JPH3: variants seen among roughly 807,000 people sequenced by gnomAD.
JPH3 encodes junctophilin 3.
Under a neutral mutation model 59.6 loss-of-function variants are expected in JPH3, and 11 were observed. That is an observed-to-expected ratio of 0.18 (90% CI 0.12 to 0.31). JPH3 has a LOEUF of 0.31. Among genes scored for constraint, JPH3 ranks in the 10% least tolerant of loss-of-function variants. The pLI, the probability that JPH3 is intolerant of heterozygous loss-of-function variation, is 1.00. For missense variants in JPH3, 1,202 were observed against 1,105.7 expected (o/e 1.09, Z -1.24); for synonymous variants, 673 against 483.6 (o/e 1.39, Z -5.14).
At chr16:87,677,506 C>G (rs1012099472) in intron 2 of JPH3, among the ~76,000 whole-genome samples, 7 of 152,328 alleles carry the variant, frequency 4.6e-5, no homozygotes, top group African/African-American at 1.7e-4. Context: ...GCACCTCATC[C>G]CATGAATCTT....
intron 2 of JPH3, among the ~76,000 whole-genome samples, chr16:87,658,477 A>G (rs1486519464): frequency 2.1e-5 from 3 of 145,808 alleles, no homozygotes; most frequent in African/African-American, 5.1e-5. Context: ...ATTTTTCTCC[A>G]TCACTCTTTG....
chr16:87,694,432 G>A (rs2033719346), intron 4 of JPH3: 1 of 152,230 alleles, frequency 6.6e-6, no homozygotes, highest in Admixed American at 6.5e-5. Context: ...TCAAGCAGGA[G>A]GCTGCTTCGC....
chr16:87,635,851 C>T (rs1385709428), intron 1 of JPH3, among the ~76,000 whole-genome samples: 1 of 152,234 alleles, frequency 6.6e-6, no homozygotes, highest in African/African-American at 2.4e-5. Flanking sequence ...CCGGGGGCTC[C>T]TGTGTGCGGA....
chr16:87,662,520 G>T (rs1443470961), intron 2 of JPH3, among the ~76,000 whole-genome samples: 1 of 152,104 alleles, frequency 6.6e-6, no homozygotes, highest in African/African-American at 2.4e-5. Flanking sequence ...TGTTTTCCAG[G>T]ATGTTCGTTT....
chr16:87,684,073 G>A (rs538813611), intron 2 of JPH3, 69 bp from the exon 3 acceptor site: 2 of 1,202,840 alleles, frequency 1.7e-6, no homozygotes, highest in East Asian at 4.7e-5. Context: ...GGTTGGCAGA[G>A]TACCTCAACC....
chr16:87,621,391 G>A (rs908160542), intron 1 of JPH3, among the ~76,000 whole-genome samples: 7 of 152,332 alleles, frequency 4.6e-5, no homozygotes, highest in East Asian at 1.9e-4. Context: ...CCGCGGCTGC[G>A]CAAGGGGCTT....
chr16:87,636,911 T>A (rs952100909), intron 1 of JPH3, among the ~76,000 whole-genome samples: 2 of 152,228 alleles, frequency 1.3e-5, no homozygotes, highest in African/African-American at 4.8e-5. Context: ...CCGGCCATAG[T>A]ACGCGCAGCG....
At chr16:87,620,889 G>C (rs187300237) in intron 1 of JPH3, among the ~76,000 whole-genome samples, 1 of 152,220 alleles carries the variant, frequency 6.6e-6, no homozygotes, top group Non-Finnish European at 1.5e-5. Context: ...GGCTGGGTAC[G>C]GTGGCTCGCG....
intron 2 of JPH3, among the ~76,000 whole-genome samples, chr16:87,651,978 T>TTTTTG (rs1403420089): frequency 3.9e-5 from 6 of 152,076 alleles, no homozygotes; most frequent in Non-Finnish European, 5.9e-5. Context: ...TGTCGTTTTT[T>TTTTTG]TTTTGTTTTG....
chr16:87,635,398 G>A (rs941476561), intron 1 of JPH3, among the ~76,000 whole-genome samples: 1 of 152,198 alleles, frequency 6.6e-6, no homozygotes, highest in African/African-American at 2.4e-5. Context: ...GGTGTGAGAT[G>A]TGCAGGCCCT....
At chr16:87,668,793 C>G (rs993724365) in intron 2 of JPH3, among the ~76,000 whole-genome samples, 1 of 152,142 alleles carries the variant, frequency 6.6e-6, no homozygotes, top group Non-Finnish European at 1.5e-5. Context: ...CAGACACTGC[C>G]TCCTCCACTG....
chr16:87,616,409 A>AT (rs55924986), intron 1 of JPH3, among the ~76,000 whole-genome samples: 31,740 of 132,616 alleles, frequency 0.24, 3,621 homozygotes, highest in East Asian at 0.36. Context: ...AAGTTTTTGT[A>AT]TTTTTTTTTT....
At chr16:87,670,190 G>A (rs1011068394) in intron 2 of JPH3, among the ~76,000 whole-genome samples, 3 of 152,146 alleles carry the variant, frequency 2.0e-5, no homozygotes, top group African/African-American at 7.2e-5. Flanking sequence ...TTGCACCCTC[G>A]GAGCCCAGCA....
intron 2 of JPH3, among the ~76,000 whole-genome samples, chr16:87,664,096 C>T (rs928454133): frequency 5.4e-5 from 8 of 149,482 alleles, no homozygotes; most frequent in African/African-American, 1.7e-4. Context: ...CTTTGGGAGG[C>T]CGAGGCGGGT....
At chr16:87,629,485 G>A (rs186629485) in intron 1 of JPH3, among the ~76,000 whole-genome samples, 23 of 147,690 alleles carry the variant, frequency 1.6e-4, no homozygotes, top group Middle Eastern at 3.5e-3. Context: ...GCCCAAAGTC[G>A]GAAGCAGCGA....
At chr16:87,607,705 C>T (rs756456052) in intron 1 of JPH3, among the ~76,000 whole-genome samples, 1 of 152,186 alleles carries the variant, frequency 6.6e-6, no homozygotes, top group Non-Finnish European at 1.5e-5. Flanking sequence ...TACCATGGGG[C>T]GTATGCTTTG....
At position 87,659,374 on chromosome 16, in the gene JPH3, C is replaced by CAAAAAAAA. The variant is rs1354448370; in HGVS notation, c.1160+14344_1160+14351dup. Among the ~76,000 whole-genome samples, 68 of 74,506 alleles carry CAAAAAAAA rather than the reference C, an allele frequency of 9.1e-4. 5 individuals carry two copies. Among genetic ancestry groups the CAAAAAAAA allele is most frequent in the East Asian group, 5.1e-3 (14 of 2,760 alleles). The allele number at this position is 74,506 out of a possible 152,430, so 48.9% of individuals were successfully genotyped here. ...CCTGGGTGACAGAGTAAGACTGTCT[C>CAAAAAAAA]AAAAAAAAAAAAGAAAAAAAAAAAG... On this transcript the variant is annotated intron_variant, in intron 2 of 4. Transcript: ENST00000284262.
In JPH3 at chr16:87,661,075, T is replaced by G. The variant is rs568565076; in HGVS notation, c.1160+16040T>G. On this transcript the variant is annotated intron_variant, in intron 2 of 4. Coordinates refer to ENST00000284262, the MANE Select transcript of JPH3 (RefSeq NM_020655.4). The stretch of plus-strand genomic sequence containing the variant: ...AAACACGAAATTTATAATACATAAG[T>G]TTCTGGAGGCTCCAGGGAGAATGTG... Among the ~76,000 whole-genome samples, 10 of 152,330 alleles carry G rather than the reference T, an allele frequency of 6.6e-5. No homozygotes were observed. In the East Asian group the frequency reaches 1.9e-3, roughly 29 times the overall value.
intron 4 of JPH3, among the ~76,000 whole-genome samples, chr16:87,690,796 C>A (rs2033549919): frequency 6.6e-6 from 1 of 152,242 alleles, no homozygotes; most frequent in South Asian, 2.1e-4. Context: ...TTCCAGGCAG[C>A]ATGGGATCCC....
Sources: allele counts gnomAD v4.1 joint callset (sites outside exome capture counted in the v4.1 genomes callset), GRCh38; gene constraint gnomAD v4.1.1; transcripts MANE v1.5; gene names NCBI Gene and HGNC (gene_info 2026-07-23, HGNC 2026-07-21).